Variants in ATRNL1 observed in about 807,000 individuals in gnomAD.
ATRNL1 encodes attractin-like protein 1.
In ATRNL1, 95 loss-of-function variants were observed where a neutral mutation model predicts 182.7. The ratio of observed to expected loss-of-function variants is 0.52; its 90% CI spans 0.44 to 0.62. ATRNL1 has a LOEUF of 0.62. Ranked by LOEUF, ATRNL1 falls within the 20% of genes least tolerant of loss-of-function variation. The probability of loss-of-function intolerance (pLI) is 0.00; values close to 1 mark genes in which losing one functional copy is unlikely to be tolerated. For synonymous variants in ATRNL1, 576 were observed against 568.3 expected (o/e 1.01, Z -0.19); for missense variants, 1,471 against 1,679.5 (o/e 0.88, Z 2.17).
intron 28 of ATRNL1, among the ~76,000 whole-genome samples, chr10:115,869,905 A>T (rs1455346602): frequency 1.4e-5 from 2 of 140,210 alleles, no homozygotes; most frequent in African/African-American, 5.2e-5. Context: ...CTTTTTATGG[A>T]TGTATCATAA....
intron 28 of ATRNL1, among the ~76,000 whole-genome samples, chr10:115,934,134 G>T (rs1335687754): frequency 6.6e-6 from 1 of 152,166 alleles, no homozygotes; most frequent in Admixed American, 6.5e-5. Context: ...GATGACAGAA[G>T]TGTCATCGGT....
At position 115,738,154 on chromosome 10, in the gene ATRNL1, T is replaced by TTC. The variant is rs1555066558; in HGVS notation, c.3903+10800_3903+10801insCT. ...TTTTTTTTTTTTTTTTTTTTTTTTT[T>TTC]TTGAGATGGAGTCCTGCTCTGTCGC... On this transcript the variant is annotated intron_variant, in intron 27 of 28. Transcript: ENST00000355044. Among the ~76,000 whole-genome samples, 349 of 63,876 alleles carry TTC rather than the reference T, an allele frequency of 5.5e-3. 58 individuals are homozygous for TTC. The highest frequency in any genetic ancestry group is 0.018 in the East Asian group (23 of 1,314). 41.9% of individuals were successfully genotyped at this position (63,876 alleles called of 152,430 possible).
At chr10:115,911,885 G>A (rs1477795217) in intron 28 of ATRNL1, among the ~76,000 whole-genome samples, 4 of 152,188 alleles carry the variant, frequency 2.6e-5, no homozygotes, top group Admixed American at 6.5e-5. Flanking sequence ...GTTTCTCCCC[G>A]TTCCTCCTTG....
intron 26 of ATRNL1, among the ~76,000 whole-genome samples, chr10:115,667,222 C>A (rs1861050059): frequency 6.6e-6 from 1 of 152,056 alleles, no homozygotes; most frequent in South Asian, 2.1e-4. Flanking sequence ...TATTGTCTCC[C>A]ACTCCCTTCT....
At chr10:115,901,924 T>C (rs1338102994) in intron 28 of ATRNL1, among the ~76,000 whole-genome samples, 18 of 152,132 alleles carry the variant, frequency 1.2e-4, no homozygotes, top group Admixed American at 5.2e-4. Flanking sequence ...TCCAGTTTGT[T>C]AAAGATTGAC....
intron 28 of ATRNL1, among the ~76,000 whole-genome samples, chr10:115,865,113 G>C (rs1386402522): frequency 6.6e-6 from 1 of 152,148 alleles, no homozygotes; most frequent in Non-Finnish European, 1.5e-5. Context: ...ATACATTGGA[G>C]TCTAATAACA....
At chr10:115,383,358 T>C (rs1564981876) in intron 19 of ATRNL1, among the ~76,000 whole-genome samples, 1 of 151,984 alleles carries the variant, frequency 6.6e-6, no homozygotes, top group Non-Finnish European at 1.5e-5. Context: ...ATGATAATTA[T>C]GACCGGGTGA....
intron 27 of ATRNL1, among the ~76,000 whole-genome samples, chr10:115,796,316 G>C (rs1949653095): frequency 6.6e-6 from 1 of 152,086 alleles, no homozygotes; most frequent in South Asian, 2.1e-4. Flanking sequence ...TCTGATGCGT[G>C]TTCTGGCACA....
intron 24 of ATRNL1, among the ~76,000 whole-genome samples, chr10:115,491,477 C>G (rs11815165): frequency 6.6e-6 from 1 of 151,906 alleles, no homozygotes; most frequent in Non-Finnish European, 1.5e-5. Context: ...GCAGTCTGGC[C>G]GCAGTAGCCT....
intron 27 of ATRNL1, among the ~76,000 whole-genome samples, chr10:115,832,023 A>C (rs1451728828): frequency 6.6e-6 from 1 of 152,224 alleles, no homozygotes; most frequent in African/African-American, 2.4e-5. Context: ...AGCTATTTAC[A>C]GGATTAATAT....
At chr10:115,158,770 G>A (rs1415630652) in intron 5 of ATRNL1, among the ~76,000 whole-genome samples, 1 of 151,856 alleles carries the variant, frequency 6.6e-6, no homozygotes, top group Non-Finnish European at 1.5e-5. Context: ...TTTGATATAA[G>A]CAAATTGAAG....
At chr10:115,538,585 A>T (rs782704303) in intron 25 of ATRNL1, among the ~76,000 whole-genome samples, 1 of 152,072 alleles carries the variant, frequency 6.6e-6, no homozygotes, top group Non-Finnish European at 1.5e-5. Flanking sequence ...TTTTTTGTAT[A>T]TTCTGGATAC....
At chr10:115,277,325 G>A (rs1852149996) in intron 13 of ATRNL1, among the ~76,000 whole-genome samples, 1 of 152,028 alleles carries the variant, frequency 6.6e-6, no homozygotes, top group South Asian at 2.1e-4. Flanking sequence ...CTACTTTACA[G>A]TAAGTGTAAA....
rs192322448 is a variant in ATRNL1 at position 115,828,045 on chromosome 10, C to T, written c.3904-19832C>T. Among the ~76,000 whole-genome samples, 45 of 152,042 alleles carry T rather than the reference C, an allele frequency of 3.0e-4. No individual in the cohort carries two copies. The Middle Eastern group carries it at 0.01, about 35-fold the overall frequency. On this transcript the variant is annotated intron_variant, in intron 27 of 28. Coordinates refer to ENST00000355044, the MANE Select transcript of ATRNL1 (RefSeq NM_207303.4). ...GAAACACCAAGCCTGAAGCCGGGCACGGGGGCTCACGCCTGTAATCCCAGC... is the reference window on the plus strand; with the variant it reads ...GAAACACCAAGCCTGAAGCCGGGCATGGGGGCTCACGCCTGTAATCCCAGC...
intron 28 of ATRNL1, among the ~76,000 whole-genome samples, chr10:115,940,539 T>G (rs904472061): frequency 3.9e-5 from 6 of 152,186 alleles, no homozygotes; most frequent in African/African-American, 1.4e-4. Flanking sequence ...AGAATATAAC[T>G]GCTACATTTA....
At chr10:115,556,454 G>C (rs1431694909) in intron 26 of ATRNL1, among the ~76,000 whole-genome samples, 1 of 152,102 alleles carries the variant, frequency 6.6e-6, no homozygotes, top group Non-Finnish European at 1.5e-5. Flanking sequence ...TAGTATCATT[G>C]ACTAGAATAA....
At chr10:115,851,114 T>C (rs1951043925) in intron 28 of ATRNL1, among the ~76,000 whole-genome samples, 1 of 80,072 alleles carries the variant, frequency 1.2e-5, no homozygotes, top group Non-Finnish European at 2.5e-5. Context: ...AAATGTAGCT[T>C]ACTAAAATTT....
At chr10:115,493,713 C>T (rs1453605445) in intron 24 of ATRNL1, among the ~76,000 whole-genome samples, 2 of 152,210 alleles carry the variant, frequency 1.3e-5, no homozygotes, top group Non-Finnish European at 2.9e-5. Context: ...ACTGGCCAAA[C>T]AAATTTACAT....
intron 13 of ATRNL1, 40 bp downstream of exon 13, chr10:115,268,484 A>G: frequency 7.5e-7 from 1 of 1,336,428 alleles, no homozygotes; most frequent in Non-Finnish European, 1.1e-6. Flanking sequence ...GTTACAACAG[A>G]CTGCTGCTTT....
Sources: allele counts gnomAD v4.1 joint callset (sites outside exome capture counted in the v4.1 genomes callset), GRCh38; gene constraint gnomAD v4.1.1; transcripts MANE v1.5; gene names NCBI Gene and HGNC (gene_info 2026-07-23, HGNC 2026-07-21).